CNTN4: variants seen among roughly 807,000 people sequenced by gnomAD.
CNTN4 encodes contactin-4.
In CNTN4, 77 loss-of-function variants were observed where a neutral mutation model predicts 122.5. The ratio of observed to expected loss-of-function variants is 0.63; its 90% CI spans 0.52 to 0.76. CNTN4 has a LOEUF of 0.76. CNTN4 is among the 30% of genes least tolerant of loss of function. The pLI, the probability that CNTN4 is intolerant of heterozygous loss-of-function variation, is 0.00. For synonymous variants in CNTN4, 512 were observed against 447.0 expected, an observed-to-expected ratio of 1.15 and a Z score of -1.83; for missense variants, 1,256 against 1,259.1, an observed-to-expected ratio of 1.00 and a Z score of 0.04.
At chr3:2,650,354 T>C (rs1041963350) in intron 4 of CNTN4, among the ~76,000 whole-genome samples, 3 of 152,112 alleles carry the variant, frequency 2.0e-5, no homozygotes, top group Non-Finnish European at 4.4e-5. Flanking sequence ...TTCTTATAGA[T>C]AAGCAAATAA....
chr3:2,995,251 CGT>C (rs5846235), intron 14 of CNTN4, among the ~76,000 whole-genome samples: 3,650 of 152,134 alleles, frequency 0.024, 136 homozygotes, highest in African/African-American at 0.081. Context: ...GTTCACAAAG[CGT>C]GTGACATAAC....
At chr3:2,546,350 G>A (rs1422194208) in intron 3 of CNTN4, among the ~76,000 whole-genome samples, 2 of 150,748 alleles carry the variant, frequency 1.3e-5, no homozygotes, top group African/African-American at 4.9e-5. Context: ...ACAAGATAAT[G>A]TCCTTTGCAG....
chr3:2,433,331 CAG>C (rs2048146115), intron 3 of CNTN4, among the ~76,000 whole-genome samples: 1 of 152,200 alleles, frequency 6.6e-6, no homozygotes, highest in African/African-American at 2.4e-5. Flanking sequence ...ATTGTTCTAA[CAG>C]ATATCAGGTG....
chr3:2,937,398 G>A (rs1379349839), intron 13 of CNTN4, among the ~76,000 whole-genome samples: 1 of 152,140 alleles, frequency 6.6e-6, no homozygotes, highest in Non-Finnish European at 1.5e-5. Flanking sequence ...AGGGATGGTG[G>A]CAGTGGAGAG....
intron 14 of CNTN4, among the ~76,000 whole-genome samples, chr3:3,013,315 C>T (rs931330375): frequency 1.3e-5 from 2 of 152,122 alleles, no homozygotes; most frequent in African/African-American, 4.8e-5. Flanking sequence ...GGCTTTTAGA[C>T]ACTAAATTGA....
chr3:3,007,642 C>T lies in CNTN4; in HGVS notation c.1487-18460C>T, dbSNP rs145675975. The stretch of plus-strand genomic sequence containing the variant: ...ATAAAATGTATGCTTGTTTTCTGCA[C>T]GTTACCCTATTAAAAAGAGAGAATA... On this transcript the variant is annotated intron_variant, in intron 14 of 24. Coordinates refer to ENST00000418658, the MANE Select transcript of CNTN4 (RefSeq NM_175607.3). Among the ~76,000 whole-genome samples, 379 of 152,234 alleles carry T rather than the reference C, an allele frequency of 2.5e-3. 1 individual carries two copies. The highest frequency in any genetic ancestry group is 8.4e-3 in the African/African-American group (349 of 41,534).
chr3:2,627,554 C>T (rs185043600), intron 4 of CNTN4, among the ~76,000 whole-genome samples: 134 of 141,586 alleles, frequency 9.5e-4, no homozygotes, highest in African/African-American at 2.7e-3. Context: ...AGTGTAGTAG[C>T]GCAATCTCGG....
At chr3:2,270,633 A>G (rs1244725508) in intron 2 of CNTN4, among the ~76,000 whole-genome samples, 2 of 151,484 alleles carry the variant, frequency 1.3e-5, no homozygotes, top group African/African-American at 2.4e-5. Context: ...TACAGACATG[A>G]TGACAAGGAG....
chr3:2,335,232 A>C (rs899451974), intron 2 of CNTN4, among the ~76,000 whole-genome samples: 2 of 152,224 alleles, frequency 1.3e-5, no homozygotes, highest in South Asian at 4.1e-4. Context: ...TTATAATAAA[A>C]ACTTTAACTT....
intron 8 of CNTN4, among the ~76,000 whole-genome samples, chr3:2,881,552 C>A (rs768583424): frequency 1.1e-4 from 16 of 151,278 alleles, no homozygotes; most frequent in Non-Finnish European, 2.2e-4. Context: ...CCCACCTCTG[C>A]GAAGTGAGTG....
chr3:2,784,266 C>G (rs2091721614), intron 6 of CNTN4, among the ~76,000 whole-genome samples: 1 of 152,154 alleles, frequency 6.6e-6, no homozygotes, highest in Admixed American at 6.5e-5. Flanking sequence ...TAGACTGGAG[C>G]TCATGTGTTC....
At position 3,057,227 on chromosome 3, in the gene CNTN4, A is replaced by G. The variant is rs1241433477; in HGVS notation, c.*1007A>G. On this transcript the variant is annotated 3_prime_UTR_variant, in exon 25 of 25. Transcript: ENST00000418658. The stretch of plus-strand genomic sequence containing the variant: ...ATAATATGTGTATCTCTGTAATAAT[A>G]GAGCCCTTCTTTTGAATCAAAATTA... 6.6e-6 allele frequency: 1 copy of G among 152,660 alleles called. No homozygotes were observed. The highest frequency in any genetic ancestry group is 1.9e-4 in the East Asian group (1 of 5,204). The allele number at this position is 152,660 out of a possible 1,614,324, so 9.5% of individuals were successfully genotyped here. A position where few individuals can be genotyped will look rare whatever the true frequency, so the allele number is the denominator to read the frequency against.
chr3:3,011,979 A>G (rs1044785334), intron 14 of CNTN4, among the ~76,000 whole-genome samples: 1 of 152,170 alleles, frequency 6.6e-6, no homozygotes, highest in Non-Finnish European at 1.5e-5. Flanking sequence ...GTTATATGCA[A>G]CCACAGGAAT....
rs571101115 is a variant in CNTN4 at position 2,461,281 on chromosome 3, TACTA to T, written c.-88-110131_-88-110128del. Among the ~76,000 whole-genome samples, 201 of 152,340 alleles carry T rather than the reference TACTA, an allele frequency of 1.3e-3. 1 individual carries two copies. The South Asian group carries it at 0.017, about 13-fold the overall frequency. ...AAATGTTAGTAGTTATAGAAAAAGC[TACTA>T]ACTGTTTTCACTCTTCTTCCCTTTT... On this transcript the variant is annotated intron_variant, in intron 3 of 24. Coordinates refer to ENST00000418658, the MANE Select transcript of CNTN4 (RefSeq NM_175607.3).
At chr3:2,770,011 C>T (rs1426767914) in intron 6 of CNTN4, among the ~76,000 whole-genome samples, 2 of 119,688 alleles carry the variant, frequency 1.7e-5, no homozygotes, top group African/African-American at 6.0e-5. Flanking sequence ...CTCTCTCTGT[C>T]TCTTTTTGTT....
chr3:3,009,473 G>A (rs9833795), intron 14 of CNTN4, among the ~76,000 whole-genome samples: 94,424 of 150,862 alleles, frequency 0.63, 29,924 homozygotes, highest in Middle Eastern at 0.74. Context: ...TTGCTCTGTC[G>A]CCCAGGCTGG....
intron 23 of CNTN4, among the ~76,000 whole-genome samples, chr3:3,050,326 T>C (rs1701127121): frequency 1.3e-5 from 2 of 151,974 alleles, no homozygotes; most frequent in African/African-American, 4.8e-5. Flanking sequence ...ACAAATAATA[T>C]ATGCAGGCTG....
At chr3:2,622,894 T>C (rs557985578) in intron 4 of CNTN4, among the ~76,000 whole-genome samples, 1 of 152,330 alleles carries the variant, frequency 6.6e-6, no homozygotes, top group South Asian at 2.1e-4. Flanking sequence ...TTAGATTTCC[T>C]TGTGTGAAAA....
At chr3:2,981,192 A>T (rs542257090) in intron 13 of CNTN4, among the ~76,000 whole-genome samples, 1 of 152,080 alleles carries the variant, frequency 6.6e-6, no homozygotes, top group Non-Finnish European at 1.5e-5. Flanking sequence ...CGCCTGTAGT[A>T]CCAGCACTTT....
Sources: gnomAD v4.1 joint callset for allele counts (sites outside exome capture counted in the v4.1 genomes callset) on GRCh38, gnomAD v4.1.1 for gene constraint, MANE v1.5 for transcripts, NCBI Gene and HGNC (gene_info 2026-07-23, HGNC 2026-07-21) for gene names.